The following ADAMTS9 variants were observed in gnomAD, a reference collection of about 807,000 sequenced individuals.
ADAMTS9 encodes A disintegrin and metalloproteinase with thrombospondin motifs 9.
ADAMTS9 carries 107 observed loss-of-function variants against 257.1 expected under a neutral mutation model. That is an observed-to-expected ratio of 0.42 (90% CI 0.36 to 0.49). ADAMTS9 has a LOEUF of 0.49. Ranked by LOEUF, ADAMTS9 falls within the 20% of genes least tolerant of loss-of-function variation. The probability of loss-of-function intolerance (pLI) is 0.03; values close to 1 mark genes in which losing one functional copy is unlikely to be tolerated. For missense variants in ADAMTS9, 2,353 were observed against 2,469.1 expected, an observed-to-expected ratio of 0.95 and a Z score of 1.00; for synonymous variants, 982 against 880.9, an observed-to-expected ratio of 1.11 and a Z score of -2.03.
At position 64,616,160 on chromosome 3, in the gene ADAMTS9, C is replaced by A. The variant is rs777760225; in HGVS notation, c.2824G>T (p.Ala942Ser). The A allele has an allele frequency of 6.2e-7, 1 of 1,614,032 alleles. No homozygotes were observed. Among genetic ancestry groups the A allele is most frequent in the Non-Finnish European group, 8.5e-7 (1 of 1,179,950 alleles). Residue 942 changes from alanine (A) to serine (S), a missense_variant, in exon 20 of 40, where the codon GCC becomes TCC. Around this residue, in one of 3 missense-constraint regions of ADAMTS9, gnomAD observed 1,402 missense variants for 1,441.4 expected, o/e 0.97. Transcript: ENST00000498707. ...TGGGCACTACATTCACTCCTGCTGGCAACATGCCACCTATGCAAAAATAAT... is the reference window on the plus strand; with the variant it reads ...TGGGCACTACATTCACTCCTGCTGGAAACATGCCACCTATGCAAAAATAAT... Reference protein sequence around the residue: ...GTDCDLRWHVASRSECSAQCG... With the variant: ...GTDCDLRWHVSSRSECSAQCG...
At position 64,539,206 on chromosome 3, in the gene ADAMTS9, T is replaced by G. The variant is rs187760371; in HGVS notation, c.5610A>C (p.Pro1870=). ...GGGGAAGGCACCAAGGACATACCTG[T>G]GGGCACTTGGCAGCGCTGTAGCAAT... ...AGDCYSAAKC[P]QGRFSINLYG... The change falls in exon 37 of 40, where the codon CCA becomes CCC. Residue 1870 remains proline, a synonymous_variant. Coordinates refer to ENST00000498707, the MANE Select transcript of ADAMTS9 (RefSeq NM_182920.2). 1.2e-6 allele frequency: 2 copies of G among 1,613,314 alleles called. No homozygotes were observed. Among genetic ancestry groups the G allele is most frequent in the Non-Finnish European group, 1.7e-6 (2 of 1,179,262 alleles).
chr3:64,600,290 G>T (rs2084435804), intron 26 of ADAMTS9, among the ~76,000 whole-genome samples: 1 of 152,048 alleles, frequency 6.6e-6, no homozygotes, highest in South Asian at 2.1e-4. Context: ...CATCTTCCTG[G>T]GAGCAGGTCA....
At chr3:64,663,780 A>C (rs1011440963) in intron 3 of ADAMTS9, among the ~76,000 whole-genome samples, 1 of 152,134 alleles carries the variant, frequency 6.6e-6, no homozygotes, top group African/African-American at 2.4e-5. Flanking sequence ...GATCAAAAGC[A>C]ATATCTTCTA....
At chr3:64,653,040 T>C (rs983173737) in intron 8 of ADAMTS9, among the ~76,000 whole-genome samples, 11 of 152,266 alleles carry the variant, frequency 7.2e-5, no homozygotes, top group Admixed American at 2.6e-4. Context: ...TATCTCATTA[T>C]GGATATGCAA....
chr3:64,617,581 T>C (rs1389984553), intron 19 of ADAMTS9, among the ~76,000 whole-genome samples: 1 of 152,136 alleles, frequency 6.6e-6, no homozygotes, highest in East Asian at 1.9e-4. Flanking sequence ...TTTAATACTA[T>C]ATTTCAGGAA....
At position 64,621,196 on chromosome 3, in the gene ADAMTS9, G is replaced by A; in HGVS notation, c.2731C>T (p.Leu911Phe). The change falls in exon 19 of 40, where the codon CTT (leucine) becomes TTT (phenylalanine). Residue 911 changes from leucine to phenylalanine, a missense_variant. Physicochemically the swap from Leu to Phe is conservative, Grantham distance 22 (BLOSUM62 0). Coordinates refer to ENST00000498707, the MANE Select transcript of ADAMTS9 (RefSeq NM_182920.2). ...KLVCTRESDQ[L>F]TVSDQRCDRL... is the part of the protein sequence containing the mutation. ...TCGCATCTTTGATCAGAAACAGTAA[G>A]CTGATCAGATTCCCTGGTGCAAACA... is the stretch of plus-strand genomic sequence containing the variant. The A allele has an allele frequency of 6.2e-7, 1 of 1,613,802 alleles. No homozygotes were observed. The highest frequency in any genetic ancestry group is 8.5e-7 in the Non-Finnish European group (1 of 1,179,870).
chr3:64,549,434 A>T (rs1449968527), intron 31 of ADAMTS9, among the ~76,000 whole-genome samples: 2 of 152,124 alleles, frequency 1.3e-5, no homozygotes, highest in African/African-American at 4.8e-5. Flanking sequence ...TGGGATCTGG[A>T]TGGGTTGGAA....
At chr3:64,642,753 C>T (rs890641791) in intron 11 of ADAMTS9, among the ~76,000 whole-genome samples, 2 of 152,178 alleles carry the variant, frequency 1.3e-5, no homozygotes, top group Non-Finnish European at 2.9e-5. Flanking sequence ...GGAAAAGTGG[C>T]GGCAGTGGCC....
chr3:64,666,680 A>C (rs1314688112), intron 3 of ADAMTS9, among the ~76,000 whole-genome samples: 1 of 152,260 alleles, frequency 6.6e-6, no homozygotes, highest in Non-Finnish European at 1.5e-5. Context: ...TGTGGAGATT[A>C]AAAGAGATAA....
intron 32 of ADAMTS9, 136 bp downstream of exon 32, chr3:64,546,622 A>T (rs1048979644): frequency 2.0e-5 from 18 of 878,644 alleles, no homozygotes; most frequent in Admixed American, 1.9e-4. Context: ...GATCCCTGTT[A>T]GCCCATTTCA....
At chr3:64,524,874 A>C (rs186143678) in intron 38 of ADAMTS9, among the ~76,000 whole-genome samples, 6 of 152,308 alleles carry the variant, frequency 3.9e-5, no homozygotes, top group Admixed American at 2.0e-4. Flanking sequence ...TATGTCCCAT[A>C]CATTACAAGG....
At position 64,686,280 on chromosome 3, in the gene ADAMTS9, T is replaced by TC. The variant is rs1701904073; in HGVS notation, c.516+287dup. Reference sequence around the variant, plus strand: ...CTTTCTCCGAGTTTGGAAACTGACTTCCAGGCCGCCTCGCAGCGTTGGGCA... The same window carrying TC: ...CTTTCTCCGAGTTTGGAAACTGACTTCCCAGGCCGCCTCGCAGCGTTGGGCA... On this transcript the variant is annotated intron_variant, in intron 2 of 39. Coordinates refer to ENST00000498707, the MANE Select transcript of ADAMTS9 (RefSeq NM_182920.2). This position sits in a 1 kb window ranked among gnomAD's most constrained non-coding sequence, Gnocchi z 4.6. Among the ~76,000 whole-genome samples the TC allele has an allele frequency of 6.6e-6, 1 of 152,200 alleles. No individual in the cohort carries two copies. Among genetic ancestry groups the TC allele is most frequent in the Admixed American group, 6.5e-5 (1 of 15,288 alleles).
chr3:64,570,366 C>G (rs1337694309), intron 28 of ADAMTS9, among the ~76,000 whole-genome samples: 1 of 152,080 alleles, frequency 6.6e-6, no homozygotes, highest in Non-Finnish European at 1.5e-5. Context: ...AGAGGGCTCA[C>G]TGAGGTACTT....
intron 26 of ADAMTS9, among the ~76,000 whole-genome samples, chr3:64,598,202 T>C (rs929624867): frequency 2.0e-5 from 3 of 152,210 alleles, no homozygotes; most frequent in Non-Finnish European, 2.9e-5. Context: ...AGCTGGATAA[T>C]AGATTTATTA....
At chr3:64,616,216 T>C (rs2106846434) in intron 19 of ADAMTS9, 46 bp from the exon 20 acceptor site, 2 of 1,594,392 alleles carry the variant, frequency 1.3e-6, no homozygotes, top group East Asian at 2.2e-5. Context: ...GTTAAAAATA[T>C]ATGCCTTATC....
chr3:64,628,579 C>T (rs1003006781), intron 16 of ADAMTS9, among the ~76,000 whole-genome samples: 1 of 140,672 alleles, frequency 7.1e-6, no homozygotes, highest in African/African-American at 3.2e-5. Flanking sequence ...GAAATGGATT[C>T]CCCCCCCAAA....
At position 64,541,045 on chromosome 3, in the gene ADAMTS9, G is replaced by C. The variant is rs768447441; in HGVS notation, c.5521+50C>G. On this transcript the variant is annotated intron_variant, in intron 36 of 39. Transcript: ENST00000498707. ...AATGTGCAAGACATGCTTGCTGTCT[G>C]AATGGAGAGAAGAACGCACACGTTC... The C allele has an allele frequency of 1.8e-5, 29 of 1,606,944 alleles. No individual in the cohort carries two copies. The South Asian group carries it at 3.1e-4, about 17-fold the overall frequency.
chr3:64,562,151 C>G (rs1164153473), intron 29 of ADAMTS9, among the ~76,000 whole-genome samples: 1 of 152,132 alleles, frequency 6.6e-6, no homozygotes, highest in Non-Finnish European at 1.5e-5. Context: ...CAGTGTTGTA[C>G]AAGAAGAATT....
At chr3:64,545,587 A>G (rs2083186552) in intron 32 of ADAMTS9, among the ~76,000 whole-genome samples, 1 of 152,094 alleles carries the variant, frequency 6.6e-6, no homozygotes, top group Non-Finnish European at 1.5e-5. Flanking sequence ...GGTGGGGAAC[A>G]TCACATACCG....
Sources: gnomAD v4.1 joint callset for allele counts (sites outside exome capture counted in the v4.1 genomes callset) on GRCh38, gnomAD v4.1.1 for gene constraint, gnomAD v4.1.1 regional missense constraint, Gnocchi (gnomAD v3.1) non-coding constraint, MANE v1.5 for transcripts, NCBI Gene and HGNC (gene_info 2026-07-23, HGNC 2026-07-21) for gene names.